Variants in SNTG1 observed in about 807,000 individuals in gnomAD.
SNTG1 encodes gamma-1-syntrophin.
In SNTG1, 39 loss-of-function variants were observed where a neutral mutation model predicts 74.7. The ratio of observed to expected loss-of-function variants is 0.52; its 90% CI spans 0.40 to 0.68. The LOEUF is 0.68. Ranked by LOEUF, SNTG1 falls within the 30% of genes least tolerant of loss-of-function variation. The probability of loss-of-function intolerance (pLI) is 0.00; values close to 1 mark genes in which losing one functional copy is unlikely to be tolerated. For synonymous variants in SNTG1, 254 were observed against 217.1 expected (o/e 1.17, Z -1.49); for missense variants, 685 against 609.5 (o/e 1.12, Z -1.30).
chr8:50,259,896 TG>T (rs985271247), intron 2 of SNTG1, among the ~76,000 whole-genome samples: 3 of 152,170 alleles, frequency 2.0e-5, no homozygotes, highest in African/African-American at 7.2e-5. Context: ...AGTCTGGGGT[TG>T]GGAAACCGAA....
intron 13 of SNTG1, among the ~76,000 whole-genome samples, chr8:50,606,913 G>A (rs1307832220): frequency 6.6e-6 from 1 of 151,396 alleles, no homozygotes; most frequent in Non-Finnish European, 1.5e-5. Flanking sequence ...TTTGAATTTT[G>A]CGAATATATC....
intron 13 of SNTG1, among the ~76,000 whole-genome samples, chr8:50,649,650 T>G (rs1163637329): frequency 6.6e-6 from 1 of 152,224 alleles, no homozygotes; most frequent in African/African-American, 2.4e-5. Flanking sequence ...TAAATTGCAT[T>G]TCTTTGATGA....
intron 2 of SNTG1, among the ~76,000 whole-genome samples, chr8:50,344,685 C>A (rs779023783): frequency 3.3e-5 from 5 of 152,140 alleles, no homozygotes; most frequent in Non-Finnish European, 7.3e-5. Context: ...AGGCGAAGAT[C>A]CAGCACAGAT....
intron 13 of SNTG1, among the ~76,000 whole-genome samples, chr8:50,656,530 C>T (rs2095182371): frequency 6.6e-6 from 1 of 152,126 alleles, no homozygotes; most frequent in Non-Finnish European, 1.5e-5. Flanking sequence ...TATTAAAGCA[C>T]ATTCCCAATT....
chr8:50,489,580 G>A (rs1331025623), intron 8 of SNTG1, among the ~76,000 whole-genome samples: 1 of 152,192 alleles, frequency 6.6e-6, no homozygotes, highest in African/African-American at 2.4e-5. Context: ...CTTCTTTTGA[G>A]AAGTGTCTGT....
At chr8:50,516,759 G>A (rs6989268) in intron 9 of SNTG1, among the ~76,000 whole-genome samples, 8 of 152,062 alleles carry the variant, frequency 5.3e-5, no homozygotes, top group Non-Finnish European at 1.2e-4. Context: ...AGAATGAAAA[G>A]GAATGAACAA....
At chr8:50,335,128 C>T (rs556315670) in intron 2 of SNTG1, among the ~76,000 whole-genome samples, 1 of 152,182 alleles carries the variant, frequency 6.6e-6, no homozygotes, top group African/African-American at 2.4e-5. Flanking sequence ...TTGACCTTGT[C>T]TTGTTTATCA....
chr8:50,188,994 C>T (rs2083474853), intron 2 of SNTG1, among the ~76,000 whole-genome samples: 1 of 152,132 alleles, frequency 6.6e-6, no homozygotes, highest in Admixed American at 6.6e-5. Context: ...CCTCACCCAG[C>T]ATTAGCAACT....
chr8:50,488,323 A>G (rs534586110), intron 8 of SNTG1, among the ~76,000 whole-genome samples: 1 of 152,216 alleles, frequency 6.6e-6, no homozygotes, highest in South Asian at 2.1e-4. Flanking sequence ...TTTATTTGTC[A>G]GTCTGCCACA....
At chr8:50,532,005 C>T (rs1369724296) in intron 10 of SNTG1, among the ~76,000 whole-genome samples, 2 of 152,048 alleles carry the variant, frequency 1.3e-5, no homozygotes, top group Non-Finnish European at 2.9e-5. Context: ...GTAATTACAG[C>T]AAGAAAATCA....
chr8:50,568,125 G>A (rs1382599008), intron 12 of SNTG1, among the ~76,000 whole-genome samples: 2 of 151,724 alleles, frequency 1.3e-5, no homozygotes, highest in African/African-American at 4.8e-5. Flanking sequence ...TCTATGCCTG[G>A]CTTATTTCAC....
chr8:50,530,494 G>A (rs1289124108), intron 10 of SNTG1, among the ~76,000 whole-genome samples: 1 of 152,072 alleles, frequency 6.6e-6, no homozygotes, highest in Non-Finnish European at 1.5e-5. Flanking sequence ...ATTAACTTGG[G>A]GATGTCACTG....
At chr8:50,665,476 T>C (rs1167114219) in intron 15 of SNTG1, among the ~76,000 whole-genome samples, 1 of 151,990 alleles carries the variant, frequency 6.6e-6, no homozygotes, top group African/African-American at 2.4e-5. Flanking sequence ...CCCCAAAATA[T>C]CTGGGGTCAG....
chr8:50,356,322 G>C (rs1179320716), intron 2 of SNTG1, among the ~76,000 whole-genome samples: 1 of 152,106 alleles, frequency 6.6e-6, no homozygotes, highest in Non-Finnish European at 1.5e-5. Context: ...ATTCCTAATA[G>C]AGAAGTATGA....
chr8:49,934,257 C>G (rs2129361263), intron 1 of SNTG1, among the ~76,000 whole-genome samples: 1 of 152,024 alleles, frequency 6.6e-6, no homozygotes, highest in East Asian at 1.9e-4. Flanking sequence ...ATGATCACCT[C>G]TCCTGGTCAT....
chr8:50,023,337 T>C (rs568474607), intron 1 of SNTG1, among the ~76,000 whole-genome samples: 1 of 152,282 alleles, frequency 6.6e-6, no homozygotes, highest in South Asian at 2.1e-4. Flanking sequence ...GGGAGACTCA[T>C]AGCTATGGAT....
intron 2 of SNTG1, among the ~76,000 whole-genome samples, chr8:50,282,289 A>C (rs2088508841): frequency 6.6e-6 from 1 of 152,144 alleles, no homozygotes; most frequent in Non-Finnish European, 1.5e-5. Flanking sequence ...AAAACCAATA[A>C]ATACTGTCAG....
chr8:50,231,835 G>A (rs1010335887), intron 2 of SNTG1, among the ~76,000 whole-genome samples: 24 of 151,270 alleles, frequency 1.6e-4, no homozygotes, highest in Middle Eastern at 3.4e-3. Context: ...ACTGAGTACT[G>A]TACATTTCAG....
intron 1 of SNTG1, among the ~76,000 whole-genome samples, chr8:50,071,153 T>C (rs896752261): frequency 1.3e-5 from 2 of 152,180 alleles, no homozygotes; most frequent in Admixed American, 6.5e-5. Flanking sequence ...AAGGGAAGAA[T>C]ACAAAAGAAT....
Sources: allele counts gnomAD v4.1 joint callset (sites outside exome capture counted in the v4.1 genomes callset), GRCh38; gene constraint gnomAD v4.1.1; transcripts MANE v1.5; gene names NCBI Gene and HGNC (gene_info 2026-07-23, HGNC 2026-07-21).